SAE1: variants seen among roughly 807,000 people sequenced by gnomAD.
SAE1 encodes the protein SUMO1 activating enzyme subunit 1, also known as SUMO-activating enzyme subunit 1.
Under a neutral mutation model 40.6 loss-of-function variants are expected in SAE1, and 11 were observed. The observed-to-expected ratio is 0.27, with a 90% CI of 0.17 to 0.45. SAE1 has a LOEUF of 0.45. Ranked by LOEUF, SAE1 falls within the 20% of genes least tolerant of loss-of-function variation. The pLI, the probability that SAE1 is intolerant of heterozygous loss-of-function variation, is 1.00. For synonymous variants in SAE1, 155 were observed against 154.3 expected (o/e 1.00, Z -0.03); for missense variants, 373 against 427.3 (o/e 0.87, Z 1.12).
chr19:47,203,731 A>G lies in SAE1; in HGVS notation c.939A>G (p.Glu313=), dbSNP rs747086515. The part of the protein sequence containing the change: ...CAVVGGILAQ[E]IVKALSQRDP... Reference sequence around the variant, plus strand: ...TGGTTGGAGGGATTTTGGCACAGGAAATTGTGAAGGTAAAACATCACTGTG... The same window carrying G: ...TGGTTGGAGGGATTTTGGCACAGGAGATTGTGAAGGTAAAACATCACTGTG... The change falls in exon 8 of 9, where the codon GAA becomes GAG. Residue 313 remains glutamate, a synonymous_variant. Transcript: ENST00000270225. 6.2e-7 allele frequency: 1 copy of G among 1,613,914 alleles called. No individual in the cohort carries two copies. The highest frequency in any genetic ancestry group is 8.5e-7 in the Non-Finnish European group (1 of 1,179,832).
At chr19:47,203,176 G>A (rs549746766) in intron 7 of SAE1, among the ~76,000 whole-genome samples, 3 of 152,158 alleles carry the variant, frequency 2.0e-5, no homozygotes, top group Non-Finnish European at 4.4e-5. Flanking sequence ...AGAAGGGCTG[G>A]TTTCTATGTG....
chr19:47,169,796 C>A, intron 5 of SAE1, 22 bp from the exon 6 acceptor site: 6 of 1,500,468 alleles, frequency 4.0e-6, no homozygotes, highest in Non-Finnish European at 5.6e-6. Context: ...TATTCCTAAG[C>A]AGTTCTGCCT....
At position 47,202,863 on chromosome 19, in the gene SAE1, T is replaced by C. The variant is rs547217694; in HGVS notation, c.879-808T>C. 1.6e-4 allele frequency among the ~76,000 whole-genome samples: 25 copies of C among 152,150 alleles called. No individual in the cohort carries two copies. In the South Asian group the frequency reaches 5.2e-3, roughly 32 times the overall value. On this transcript the variant is annotated intron_variant, in intron 7 of 8. Coordinates refer to ENST00000270225, the MANE Select transcript of SAE1 (RefSeq NM_005500.3). ...AGGCGGAGCTTGCAGTAAGCCAAGA[T>C]CGCGCCACTGCACTCCAGCCTGGGT...
chr19:47,154,366 C>G (rs1465863974), intron 4 of SAE1, among the ~76,000 whole-genome samples: 2 of 150,968 alleles, frequency 1.3e-5, no homozygotes, highest in Non-Finnish European at 3.0e-5. Flanking sequence ...ACTAGGATTA[C>G]AGCCACCATG....
chr19:47,169,814 A>G lies in SAE1; in HGVS notation c.628-4A>G. Reference sequence around the variant, plus strand: ...TCCTAAGCAGTTCTGCCTTTTTTCCACAGAAGGTGGTCTTCTGCCCTGTTA... The same window carrying G: ...TCCTAAGCAGTTCTGCCTTTTTTCCGCAGAAGGTGGTCTTCTGCCCTGTTA... On this transcript the variant is annotated splice_region_variant and splice_polypyrimidine_tract_variant and intron_variant, in intron 5 of 8. Transcript: ENST00000270225. 2.5e-6 allele frequency: 4 copies of G among 1,607,400 alleles called. No individual in the cohort carries two copies. Among genetic ancestry groups the G allele is most frequent in the Non-Finnish European group, 3.4e-6 (4 of 1,174,232 alleles).
chr19:47,165,108 G>T (rs1341845547), intron 5 of SAE1, among the ~76,000 whole-genome samples: 3 of 128,504 alleles, frequency 2.3e-5, no homozygotes, highest in African/African-American at 9.1e-5. Context: ...TTTTGAGACG[G>T]AGTCTTGCTC....
chr19:47,158,396 G>C (rs932982274), intron 5 of SAE1, among the ~76,000 whole-genome samples: 9 of 152,174 alleles, frequency 5.9e-5, no homozygotes, highest in African/African-American at 2.2e-4. Context: ...TGGTGCTCAG[G>C]AGAAGATTTG....
At chr19:47,191,628 G>C (rs1298490737) in intron 6 of SAE1, among the ~76,000 whole-genome samples, 3 of 152,204 alleles carry the variant, frequency 2.0e-5, no homozygotes, top group Non-Finnish European at 2.9e-5. Context: ...CCCTGTGCTA[G>C]ATGACTCTTG....
intron 5 of SAE1, among the ~76,000 whole-genome samples, chr19:47,162,739 C>G (rs1457262276): frequency 6.6e-6 from 1 of 152,028 alleles, no homozygotes; most frequent in Non-Finnish European, 1.5e-5. Context: ...GCCTGTAATC[C>G]CAGCACTTTG....
chr19:47,187,623 G>C (rs912542955), intron 6 of SAE1, among the ~76,000 whole-genome samples: 2 of 152,128 alleles, frequency 1.3e-5, no homozygotes, highest in East Asian at 3.9e-4. Flanking sequence ...CTGGGTTCAA[G>C]CAATTCTCGT....
intron 5 of SAE1, among the ~76,000 whole-genome samples, chr19:47,164,358 C>CA: frequency 6.6e-6 from 1 of 151,796 alleles, no homozygotes; most frequent in East Asian, 2.0e-4. Context: ...TTAGTAGAGA[C>CA]GGGTTTCACC....
At chr19:47,155,076 A>G in intron 4 of SAE1, 38 bp from the exon 5 acceptor site, 6 of 1,268,006 alleles carry the variant, frequency 4.7e-6, no homozygotes, top group Non-Finnish European at 5.8e-6. Flanking sequence ...CATGATTCCT[A>G]GGGTAAAATT....
intron 5 of SAE1, among the ~76,000 whole-genome samples, chr19:47,158,395 G>A (rs2058336755): frequency 6.6e-6 from 1 of 152,184 alleles, no homozygotes; most frequent in Non-Finnish European, 1.5e-5. Flanking sequence ...TTGGTGCTCA[G>A]GAGAAGATTT....
intron 6 of SAE1, among the ~76,000 whole-genome samples, chr19:47,171,653 G>T (rs2123256551): frequency 6.6e-6 from 1 of 151,932 alleles, no homozygotes; most frequent in East Asian, 1.9e-4. Flanking sequence ...TATTTTTTTT[G>T]TATTTTCACC....
At chr19:47,134,277 T>C (rs1286114982) in intron 1 of SAE1, among the ~76,000 whole-genome samples, 5 of 151,598 alleles carry the variant, frequency 3.3e-5, no homozygotes, top group Non-Finnish European at 7.4e-5. Context: ...ATGGAGGGGT[T>C]GGGGAGGCAG....
chr19:47,206,937 T>A (rs1225881611), intron 8 of SAE1, among the ~76,000 whole-genome samples: 1 of 152,236 alleles, frequency 6.6e-6, no homozygotes, highest in Non-Finnish European at 1.5e-5. Context: ...CCAAGCTCCA[T>A]GTGGACAGAG....
intron 6 of SAE1, among the ~76,000 whole-genome samples, chr19:47,174,388 T>G (rs911655009): frequency 6.7e-6 from 1 of 149,538 alleles, no homozygotes; most frequent in Non-Finnish European, 1.5e-5. Context: ...AATCATACAA[T>G]GTTTTATTTT....
At chr19:47,177,800 C>T (rs1421080421) in intron 6 of SAE1, among the ~76,000 whole-genome samples, 3 of 152,098 alleles carry the variant, frequency 2.0e-5, no homozygotes, top group African/African-American at 4.8e-5. Context: ...GAGATCTGAG[C>T]TGTATTTCTC....
intron 6 of SAE1, among the ~76,000 whole-genome samples, chr19:47,179,757 G>T (rs2058494917): frequency 1.3e-5 from 2 of 152,080 alleles, no homozygotes; most frequent in Non-Finnish European, 2.9e-5. Context: ...TAGAGACGGG[G>T]TTTCACTGTG....
Sources: allele counts gnomAD v4.1 joint callset (sites outside exome capture counted in the v4.1 genomes callset), GRCh38; gene constraint gnomAD v4.1.1; transcripts MANE v1.5; gene names NCBI Gene and HGNC (gene_info 2026-07-23, HGNC 2026-07-21).